CD6: variants seen among roughly 807,000 people sequenced by gnomAD.
CD6 encodes the protein T-cell differentiation antigen CD6.
CD6 carries 53 observed loss-of-function variants against 75.3 expected under a neutral mutation model. That is an observed-to-expected ratio of 0.70 (90% CI 0.56 to 0.88). The LOEUF is 0.88. Ranked by LOEUF, CD6 falls within the 40% of genes least tolerant of loss-of-function variation. The pLI is 0.00. For synonymous variants in CD6, 359 were observed against 381.5 expected (o/e 0.94, Z 0.69); for missense variants, 770 against 897.1 (o/e 0.86, Z 1.81).
At chr11:60,973,975 G>A (rs1022536740) in intron 1 of CD6, among the ~76,000 whole-genome samples, 3 of 152,094 alleles carry the variant, frequency 2.0e-5, no homozygotes, top group Non-Finnish European at 4.4e-5. Context: ...TTCTTCCTCT[G>A]TGTCCAGCTC....
intron 8 of CD6, among the ~76,000 whole-genome samples, chr11:61,014,736 A>G (rs971354824): frequency 2.1e-5 from 3 of 142,710 alleles, no homozygotes; most frequent in African/African-American, 7.5e-5. Flanking sequence ...CTCTGTCTCA[A>G]AAAAAAAAAA....
intron 1 of CD6, among the ~76,000 whole-genome samples, chr11:60,982,343 G>A (rs1857604416): frequency 6.6e-6 from 1 of 152,236 alleles, no homozygotes; most frequent in Admixed American, 6.5e-5. Context: ...TCATTTTACA[G>A]AAGGACAGAC....
intron 1 of CD6, among the ~76,000 whole-genome samples, chr11:60,981,116 T>C (rs1217820283): frequency 6.6e-6 from 1 of 152,186 alleles, no homozygotes; most frequent in East Asian, 1.9e-4. Context: ...AATGTACATT[T>C]ACAAGTGTTA....
chr11:60,991,047 A>G (rs1376535138), intron 1 of CD6, among the ~76,000 whole-genome samples: 1 of 151,958 alleles, frequency 6.6e-6, no homozygotes, highest in Non-Finnish European at 1.5e-5. Flanking sequence ...ATTTATACAA[A>G]AGGGTATAGC....
chr11:60,999,226 C>T (rs1858459079), intron 1 of CD6, among the ~76,000 whole-genome samples: 1 of 151,710 alleles, frequency 6.6e-6, no homozygotes, highest in South Asian at 2.1e-4. Flanking sequence ...TTTTCTTTTC[C>T]TATAGTAGAG....
At chr11:60,975,680 G>A (rs1316075719) in intron 1 of CD6, among the ~76,000 whole-genome samples, 1 of 152,098 alleles carries the variant, frequency 6.6e-6, no homozygotes, top group Non-Finnish European at 1.5e-5. Flanking sequence ...CAAGCCTGTT[G>A]TCCCAGCTAC....
intron 1 of CD6, among the ~76,000 whole-genome samples, chr11:60,991,149 C>CTTTTTTTTTTTTTTTTTTTTTT (rs58123378): frequency 7.0e-5 from 8 of 114,710 alleles, no homozygotes; most frequent in Non-Finnish European, 1.4e-4. Context: ...CTTTTTCTTT[C>CTTTTTTTTTTTTTTTTTTTTTT]TTTTTTTTTT....
intron 1 of CD6, among the ~76,000 whole-genome samples, chr11:60,997,748 T>C (rs1210284760): frequency 3.9e-5 from 6 of 152,234 alleles, no homozygotes; most frequent in Non-Finnish European, 8.8e-5. Context: ...GGTTTTCCAA[T>C]GATTGAATTG....
chr11:61,013,480 T>C lies in CD6; in HGVS notation c.1208T>C (p.Ile403Thr). ...GAATCTCGGGAGCTAATGCTCCTCA[T>C]CCCCTCCATCGTTCTGGGAATTCTC... is the stretch of plus-strand genomic sequence containing the variant. Reference protein sequence around the residue: ...NKESRELMLLIPSIVLGILLL... With the variant: ...NKESRELMLLTPSIVLGILLL... Residue 403 changes from isoleucine to threonine, a missense_variant, in exon 7 of 13, where the codon ATC becomes ACC. By Grantham distance (89) the Ile-to-Thr change is moderately conservative. Coordinates refer to ENST00000313421, the MANE Select transcript of CD6 (RefSeq NM_006725.5). 1 of 1,613,868 alleles carries C rather than the reference T, an allele frequency of 6.2e-7. No homozygotes were observed. The highest frequency in any genetic ancestry group is 8.5e-7 in the Non-Finnish European group (1 of 1,179,716).
At position 61,007,722 on chromosome 11, in the gene CD6, C is replaced by T; in HGVS notation, c.281C>T (p.Ala94Val). Residue 94 changes from alanine to valine, a missense_variant, in exon 3 of 13, where the codon GCC becomes GTC. Transcript: ENST00000313421. The surrounding 1 kb of genome is among the most constrained non-coding windows in gnomAD (Gnocchi z 4.2). ...CTGGGCTGCGGCGGGGCGGAGGCCG[C>T]CTCTCAGCTCGCCCCGCCGACCCCT... Reference protein sequence around the residue: ...RALGCGGAEAASQLAPPTPEL... With the variant: ...RALGCGGAEAVSQLAPPTPEL... The T allele has an allele frequency of 7.2e-7, 1 of 1,397,998 alleles. No homozygotes were observed. The highest frequency in any genetic ancestry group is 9.3e-7 in the Non-Finnish European group (1 of 1,076,356). The allele number at this position is 1,397,998 out of a possible 1,614,324, so 86.6% of individuals were successfully genotyped here. A position where few individuals can be genotyped will look rare whatever the true frequency, so the allele number is the denominator to read the frequency against.
At chr11:60,980,864 T>A (rs1429724442) in intron 1 of CD6, among the ~76,000 whole-genome samples, 1 of 152,000 alleles carries the variant, frequency 6.6e-6, no homozygotes, top group East Asian at 1.9e-4. Context: ...ATTAATTAAA[T>A]TGAAAGAAAG....
chr11:60,985,228 G>A (rs1011766766), intron 1 of CD6: 9 of 136,626 alleles, frequency 6.6e-5, no homozygotes, highest in African/African-American at 2.2e-4. Flanking sequence ...TTGTCGCTCA[G>A]GCTGGAGTGC....
intron 1 of CD6, among the ~76,000 whole-genome samples, chr11:60,999,607 C>T (rs1858479841): frequency 6.6e-6 from 1 of 152,024 alleles, no homozygotes; most frequent in Non-Finnish European, 1.5e-5. Flanking sequence ...TCATTAAATA[C>T]TCCCTGTAAA....
rs1859603665 is a variant in CD6, at chr11:61,020,130, C to T, written c.*812C>T. On this transcript the variant is annotated 3_prime_UTR_variant, in exon 13 of 13. Coordinates refer to ENST00000313421, the MANE Select transcript of CD6 (RefSeq NM_006725.5). ...CAGATCCCAGAGATAGGGGCCCAGTCTCCATGGGGGCAAGGAGCATAGAGA... is the reference window on the plus strand; with the variant it reads ...CAGATCCCAGAGATAGGGGCCCAGTTTCCATGGGGGCAAGGAGCATAGAGA... 5.0e-6 allele frequency: 2 copies of T among 398,598 alleles called. No homozygotes were observed. The highest frequency in any genetic ancestry group is 4.1e-5 in the African/African-American group (2 of 48,628). The allele number at this position is 398,598 out of a possible 1,614,324, so 24.7% of individuals were successfully genotyped here. A position where few individuals can be genotyped will look rare whatever the true frequency, so the allele number is the denominator to read the frequency against.
At position 61,009,018 on chromosome 11, in the gene CD6, C is replaced by T. The variant is rs144310829; in HGVS notation, c.781+173C>T. Among the ~76,000 whole-genome samples the T allele has an allele frequency of 6.9e-4, 105 of 152,296 alleles. 1 individual carries two copies. The highest frequency in any genetic ancestry group is 2.4e-3 in the Admixed American group (37 of 15,294). The stretch of plus-strand genomic sequence containing the variant: ...AATTCAGGAGAGAAAGTGGTAAATG[C>T]CCCCAAGAAAGGCAGTCAGGTGGAG... On this transcript the variant is annotated intron_variant, in intron 4 of 12. Transcript: ENST00000313421.
intron 1 of CD6, among the ~76,000 whole-genome samples, chr11:60,994,844 C>G (rs991360478): frequency 3.9e-5 from 6 of 152,202 alleles, no homozygotes; most frequent in Admixed American, 1.3e-4. Context: ...AAGCACCAAA[C>G]TGCTGACTTT....
chr11:60,994,158 T>C (rs545192612), intron 1 of CD6, among the ~76,000 whole-genome samples: 2 of 152,176 alleles, frequency 1.3e-5, no homozygotes, highest in African/African-American at 4.8e-5. Flanking sequence ...GCTGAATTTC[T>C]GGCCGGGCGC....
chr11:61,015,610 C>T (rs1010599228), intron 8 of CD6, 103 bp from the exon 9 acceptor site: 3 of 1,383,730 alleles, frequency 2.2e-6, no homozygotes, highest in Admixed American at 2.0e-5. Flanking sequence ...TTGGTGCTCC[C>T]CTGCTACTCT....
intron 1 of CD6, among the ~76,000 whole-genome samples, chr11:61,001,388 A>G (rs752482691): frequency 1.3e-5 from 2 of 151,942 alleles, no homozygotes; most frequent in African/African-American, 4.8e-5. Context: ...TTTTTAGTAG[A>G]GACAGGGTTT....
Sources: allele counts gnomAD v4.1 joint callset (sites outside exome capture counted in the v4.1 genomes callset), GRCh38; gene constraint gnomAD v4.1.1; non-coding constraint Gnocchi (gnomAD v3.1); transcripts MANE v1.5; gene names NCBI Gene and HGNC (gene_info 2026-07-23, HGNC 2026-07-21).